The following PPP1R12B variants were observed in gnomAD, a reference collection of about 807,000 sequenced individuals.
PPP1R12B encodes the protein protein phosphatase 1 regulatory subunit 12B, also known as myosin phosphatase target subunit 2.
A neutral mutation model predicts 126.1 loss-of-function variants in PPP1R12B; 76 were observed. The ratio of observed to expected loss-of-function variants is 0.60; its 90% confidence interval spans 0.50 to 0.73. The LOEUF (loss-of-function observed/expected upper bound fraction) is 0.73, where lower values mean the gene tolerates loss of function less well. PPP1R12B is among the 30% of genes least tolerant of loss of function. The pLI is 0.00. For missense variants in PPP1R12B, 1,052 were observed against 1,205.1 expected (o/e 0.87, Z 1.88); for synonymous variants, 356 against 434.7 (o/e 0.82, Z 2.25).
chr1:202,421,861 G>GC (rs1283969168), intron 2 of PPP1R12B, among the ~76,000 whole-genome samples: 1 of 152,080 alleles, frequency 6.6e-6, no homozygotes, highest in African/African-American at 2.4e-5. Context: ...GTCAAGACTG[G>GC]GGCTGTACCC....
chr1:202,562,989 A>C, intron 20 of PPP1R12B, 67 bp downstream of exon 20: 2 of 1,449,080 alleles, frequency 1.4e-6, no homozygotes, highest in Non-Finnish European at 1.8e-6. Flanking sequence ...CCTCCACCAC[A>C]CCCAGAAAAA....
chr1:202,401,360 AATTTTTTTTTTTT>A (rs1336236308), intron 1 of PPP1R12B, among the ~76,000 whole-genome samples: 4 of 57,050 alleles, frequency 7.0e-5, no homozygotes, highest in Non-Finnish European at 1.6e-4. Flanking sequence ...TGGCTAATTT[AATTTTTTTTTTTT>A]TTTTTTTTTT....
intron 12 of PPP1R12B, 30 bp from the exon 13 acceptor site, chr1:202,448,959 C>G (rs1435319756): frequency 6.2e-7 from 1 of 1,606,794 alleles, no homozygotes; most frequent in Non-Finnish European, 8.5e-7. Flanking sequence ...CTAACCATTT[C>G]CTTTCTGCTT....
chr1:202,549,228 CACATAATAG>C (rs1265555152), intron 18 of PPP1R12B, among the ~76,000 whole-genome samples: 1 of 152,130 alleles, frequency 6.6e-6, no homozygotes, highest in Non-Finnish European at 1.5e-5. Flanking sequence ...TTACAAGTCA[CACATAATAG>C]TGTCATTTTT....
intron 1 of PPP1R12B, among the ~76,000 whole-genome samples, chr1:202,378,130 G>A (rs568205875): frequency 6.6e-6 from 1 of 152,024 alleles, no homozygotes; most frequent in South Asian, 2.1e-4. Flanking sequence ...GAGCCACCGC[G>A]CCCAGCCAAA....
intron 1 of PPP1R12B, among the ~76,000 whole-genome samples, chr1:202,370,758 G>A (rs138051812): frequency 0.023 from 3,487 of 152,028 alleles, 136 homozygotes; most frequent in African/African-American, 0.078. Flanking sequence ...GGCTGGTCTC[G>A]AACTACTGAC....
At chr1:202,435,108 G>C (rs554257524) in intron 9 of PPP1R12B, among the ~76,000 whole-genome samples, 91 of 152,136 alleles carry the variant, frequency 6.0e-4, no homozygotes, top group African/African-American at 2.0e-3. Flanking sequence ...AAGGTAACCA[G>C]CCCTATCAGA....
rs1558403369 is a variant in PPP1R12B at position 202,582,497 on chromosome 1, C to T, written c.*1937C>T. The T allele has an allele frequency of 6.6e-6, 1 of 152,538 alleles. No individual in the cohort carries two copies. Among genetic ancestry groups the T allele is most frequent in the African/African-American group, 2.4e-5 (1 of 41,416 alleles). The allele number at this position is 152,538 out of a possible 1,614,324, so 9.4% of individuals were successfully genotyped here. ...GGTTCATTCCCTTAATATATACTAC[C>T]TCTGTCTGTTAATTCTTTCCTAACA... On this transcript the variant is annotated 3_prime_UTR_variant, in exon 24 of 24. Coordinates refer to ENST00000608999, the MANE Select transcript of PPP1R12B (RefSeq NM_002481.4).
chr1:202,556,020 C>T (rs1179513019), intron 18 of PPP1R12B, among the ~76,000 whole-genome samples: 5 of 151,940 alleles, frequency 3.3e-5, no homozygotes, highest in Non-Finnish European at 5.9e-5. Context: ...GGACTACAAG[C>T]ATGTGCCACC....
At chr1:202,492,079 A>G (rs1678953815) in intron 14 of PPP1R12B, among the ~76,000 whole-genome samples, 1 of 152,078 alleles carries the variant, frequency 6.6e-6, no homozygotes, top group Non-Finnish European at 1.5e-5. Flanking sequence ...CCCTCTATCT[A>G]TAATGCCTTT....
chr1:202,488,643 A>C lies in PPP1R12B; in HGVS notation c.1941+20A>C, dbSNP rs1678460003. 2 of 1,571,908 alleles carry C rather than the reference A, an allele frequency of 1.3e-6. No homozygotes were observed. The highest frequency in any genetic ancestry group is 1.7e-4 in the Middle Eastern group (1 of 5,982). On this transcript the variant is annotated intron_variant, in intron 14 of 23. Coordinates refer to ENST00000608999, the MANE Select transcript of PPP1R12B (RefSeq NM_002481.4). ...ACTCAAGTGAGTGTGGCTTTTTTTA[A>C]AATGTCATTTTGTGTATCTACCCTT...
chr1:202,546,516 A>G (rs1685664882), intron 18 of PPP1R12B, among the ~76,000 whole-genome samples: 1 of 152,100 alleles, frequency 6.6e-6, no homozygotes, highest in African/African-American at 2.4e-5. Context: ...AAGTGGGAGA[A>G]TAGCTTGAGC....
intron 1 of PPP1R12B, among the ~76,000 whole-genome samples, chr1:202,393,857 T>A (rs1664509063): frequency 6.6e-6 from 1 of 151,918 alleles, no homozygotes; most frequent in Admixed American, 6.6e-5. Flanking sequence ...GGCCAGGAGT[T>A]TGAGACCAGT....
Position 202,592,030 on chromosome 1 carries a change from C to T in PPP1R12B, c.*11470C>T, listed in dbSNP as rs1467473377. 1 of 152,880 alleles carries T rather than the reference C, an allele frequency of 6.5e-6. No homozygotes were observed. The highest frequency in any genetic ancestry group is 2.4e-5 in the African/African-American group (1 of 41,462). 9.5% of individuals were successfully genotyped at this position (152,880 alleles called of 1,614,324 possible). A position where few individuals can be genotyped will look rare whatever the true frequency, so the allele number is the denominator to read the frequency against. On this transcript the variant is annotated 3_prime_UTR_variant, in exon 24 of 24. Transcript: ENST00000608999. Reference sequence around the variant, plus strand: ...GGACTGAGGGAGCAGGAGGGAGTGACAACAGGTGAGCCCTTCAGAAGTGGT... The same window carrying T: ...GGACTGAGGGAGCAGGAGGGAGTGATAACAGGTGAGCCCTTCAGAAGTGGT...
chr1:202,518,568 G>C (rs1276128577), intron 18 of PPP1R12B, among the ~76,000 whole-genome samples: 1 of 152,218 alleles, frequency 6.6e-6, no homozygotes, highest in African/African-American at 2.4e-5. Context: ...AATTGTATAT[G>C]TCATCTGATT....
intron 1 of PPP1R12B, among the ~76,000 whole-genome samples, chr1:202,375,932 A>G (rs1333816154): frequency 1.3e-5 from 2 of 152,186 alleles, no homozygotes; most frequent in African/African-American, 4.8e-5. Flanking sequence ...TGGTCAATAC[A>G]CTTTAGGCTC....
intron 1 of PPP1R12B, among the ~76,000 whole-genome samples, chr1:202,384,183 T>C (rs1288667700): frequency 1.3e-5 from 2 of 152,194 alleles, no homozygotes; most frequent in Admixed American, 6.5e-5. Context: ...ATTTGACCCA[T>C]GAGTTCTGCT....
At chr1:202,438,681 C>A in intron 10 of PPP1R12B, 2 of 595,036 alleles carry the variant, frequency 3.4e-6, no homozygotes, top group Non-Finnish European at 3.1e-6. Context: ...CCAGGGCCGC[C>A]GGGTTCAAGC....
chr1:202,586,962 A>G lies in PPP1R12B; in HGVS notation c.*6402A>G, dbSNP rs371634139. ...AGGTCTGGCATATACTTGATTACAA[A>G]TGAAAACTCAGAAACCAATTTTATT... On this transcript the variant is annotated 3_prime_UTR_variant, in exon 24 of 24. Transcript: ENST00000608999. 26 of 152,356 alleles carry G rather than the reference A, an allele frequency of 1.7e-4. No homozygotes were observed. The highest frequency in any genetic ancestry group is 6.3e-4 in the African/African-American group (26 of 41,586). The allele number at this position is 152,356 out of a possible 1,614,324, so 9.4% of individuals were successfully genotyped here. A position where few individuals can be genotyped will look rare whatever the true frequency, so the allele number is the denominator to read the frequency against.
Sources: gnomAD v4.1 joint callset for allele counts (sites outside exome capture counted in the v4.1 genomes callset) on GRCh38, gnomAD v4.1.1 for gene constraint, MANE v1.5 for transcripts, NCBI Gene and HGNC (gene_info 2026-07-23, HGNC 2026-07-21) for gene names.